Variants in LRRC7 observed in about 807,000 individuals in gnomAD.
LRRC7 encodes the protein leucine-rich repeat-containing protein 7.
LRRC7 carries 23 observed loss-of-function variants against 175.7 expected under a neutral mutation model. The ratio of observed to expected loss-of-function variants is 0.13; its 90% CI spans 0.09 to 0.19. The LOEUF is 0.19. Among genes scored for constraint, LRRC7 ranks in the 10% least tolerant of loss-of-function variants. The pLI is 1.00. For missense variants in LRRC7, 1,354 were observed against 1,904.7 expected (o/e 0.71, Z 5.38); for synonymous variants, 685 against 680.9 (o/e 1.01, Z -0.09).
At chr1:69,609,405 T>C (rs886753199) in intron 1 of LRRC7, among the ~76,000 whole-genome samples, 1 of 152,060 alleles carries the variant, frequency 6.6e-6, no homozygotes, top group African/African-American at 2.4e-5. Context: ...AATTTATTAG[T>C]TTATCTTAAT....
At chr1:69,922,550 T>G (rs771179846) in intron 7 of LRRC7, among the ~76,000 whole-genome samples, 4 of 152,148 alleles carry the variant, frequency 2.6e-5, no homozygotes, top group Non-Finnish European at 5.9e-5. Context: ...AACCTTAAAC[T>G]TGGGAGAAAA....
Position 69,850,929 on chromosome 1 carries a change from A to G in LRRC7, c.647+12646A>G, listed in dbSNP as rs534379944. Among the ~76,000 whole-genome samples, 455 of 152,224 alleles carry G rather than the reference A, an allele frequency of 3.0e-3. 2 individuals are homozygous for G. The highest frequency in any genetic ancestry group is 4.3e-3 in the Non-Finnish European group (292 of 67,994). ...TGAAACTCTTTGAAGTTATTGAGGG[A>G]GAGAACACAAATAGAGAAGAGATGA... On this transcript the variant is annotated intron_variant, in intron 7 of 26. Transcript: ENST00000651989.
At position 70,123,654 on chromosome 1, in the gene LRRC7, G is replaced by A. The variant is rs926192349; in HGVS notation, c.*1767G>A. On this transcript the variant is annotated 3_prime_UTR_variant, in exon 27 of 27. Coordinates refer to ENST00000651989, the MANE Select transcript of LRRC7 (RefSeq NM_001370785.2). ...AATGATTAACTGATTGGCCTATTTA[G>A]TATGTTTCCCAGAAGTAACTTTTAA... 5.9e-5 allele frequency among the ~76,000 whole-genome samples: 9 copies of A among 152,164 alleles called. No homozygotes were observed.
At position 70,038,705 on chromosome 1, in the gene LRRC7, AT is replaced by A. The variant is rs1293706008; in HGVS notation, c.2884del (p.Ser962GlnfsTer12). On this transcript the variant is annotated frameshift_variant, in exon 21 of 27. Transcript: ENST00000651989. LOFTEE classifies it high-confidence loss of function. ...CCGCCCGGAATCTTCTAAAGGTGTT[AT>A]TTCAATTAGCAAAAGCACAGAGAGG... ...HCRPESSKGVISISKSTERLS... is the reference protein window; with the variant it reads ...HCRPESSKGVXSISKSTERLS... The A allele has an allele frequency of 6.2e-7, 1 of 1,614,014 alleles. No homozygotes were observed. The highest frequency in any genetic ancestry group is 1.3e-5 in the African/African-American group (1 of 74,932).
intron 24 of LRRC7, among the ~76,000 whole-genome samples, chr1:70,078,805 C>CGT (rs1438394358): frequency 3.8e-5 from 4 of 106,306 alleles, no homozygotes; most frequent in African/African-American, 2.1e-4. Flanking sequence ...CGCGCGCGCG[C>CGT]GCGCGCACAC....
intron 2 of LRRC7, among the ~76,000 whole-genome samples, chr1:69,738,940 A>T (rs775031268): frequency 6.6e-6 from 1 of 152,094 alleles, no homozygotes; most frequent in Non-Finnish European, 1.5e-5. Context: ...CCAAGTGAGA[A>T]ACCCCTTAAA....
intron 7 of LRRC7, among the ~76,000 whole-genome samples, chr1:69,861,951 G>A (rs1255016716): frequency 6.6e-6 from 1 of 152,160 alleles, no homozygotes. Flanking sequence ...CAGAAAAACA[G>A]GGTAAGTTTA....
At chr1:69,752,979 C>T (rs1018909109) in intron 2 of LRRC7, among the ~76,000 whole-genome samples, 7 of 151,996 alleles carry the variant, frequency 4.6e-5, no homozygotes, top group African/African-American at 1.7e-4. Context: ...CACAGGAAAC[C>T]GGATTGTTAC....
At chr1:69,683,613 C>A (rs1213683265) in intron 2 of LRRC7, among the ~76,000 whole-genome samples, 1 of 151,858 alleles carries the variant, frequency 6.6e-6, no homozygotes, top group Non-Finnish European at 1.5e-5. Context: ...AGAAGTTAAC[C>A]TGGAAAGGAA....
chr1:69,855,474 C>T (rs1231158465), intron 7 of LRRC7, among the ~76,000 whole-genome samples: 1 of 152,160 alleles, frequency 6.6e-6, no homozygotes, highest in African/African-American at 2.4e-5. Flanking sequence ...AATTTGATTG[C>T]ACTGTGGTTT....
chr1:69,742,517 G>A (rs1301243924), intron 2 of LRRC7, among the ~76,000 whole-genome samples: 4 of 151,898 alleles, frequency 2.6e-5, no homozygotes, highest in Admixed American at 2.0e-4. Context: ...ATTTATGTGT[G>A]TGTATGTGTG....
At chr1:69,606,545 T>A (rs1647614227) in intron 1 of LRRC7, among the ~76,000 whole-genome samples, 1 of 152,148 alleles carries the variant, frequency 6.6e-6, no homozygotes, top group African/African-American at 2.4e-5. Context: ...GTAATATGCA[T>A]TTATACTAAA....
chr1:69,716,758 A>G (rs950899989), intron 2 of LRRC7, among the ~76,000 whole-genome samples: 7 of 151,886 alleles, frequency 4.6e-5, no homozygotes. Flanking sequence ...AAGAAATGAA[A>G]TAGGAGGTTC....
At chr1:69,746,255 C>T (rs957199400) in intron 2 of LRRC7, among the ~76,000 whole-genome samples, 1 of 151,798 alleles carries the variant, frequency 6.6e-6, no homozygotes, top group Non-Finnish European at 1.5e-5. Context: ...ACAGGATGTC[C>T]ATCATATCCA....
At chr1:69,613,904 A>T (rs928159391) in intron 1 of LRRC7, among the ~76,000 whole-genome samples, 1 of 152,044 alleles carries the variant, frequency 6.6e-6, no homozygotes, top group South Asian at 2.1e-4. Context: ...GTACATATCA[A>T]ATAAGAGAGA....
intron 23 of LRRC7, among the ~76,000 whole-genome samples, chr1:70,060,983 A>G (rs1043001164): frequency 3.3e-5 from 5 of 152,208 alleles, no homozygotes; most frequent in Non-Finnish European, 5.9e-5. Context: ...CCATAAGCAA[A>G]TGAGAACAAT....
chr1:69,670,255 G>A (rs1658883523), intron 1 of LRRC7, among the ~76,000 whole-genome samples: 1 of 152,120 alleles, frequency 6.6e-6, no homozygotes, highest in African/African-American at 2.4e-5. Context: ...AAAGGACATG[G>A]GTGTTGTAAT....
At chr1:69,998,147 A>T (rs1326276035) in intron 11 of LRRC7, among the ~76,000 whole-genome samples, 2 of 152,222 alleles carry the variant, frequency 1.3e-5, no homozygotes, top group Admixed American at 1.3e-4. Context: ...TTTATTAAGT[A>T]TAATTGACAT....
intron 11 of LRRC7, 135 bp downstream of exon 11, chr1:69,994,768 TA>T (rs1218078653): frequency 3.8e-6 from 2 of 529,018 alleles, no homozygotes; most frequent in Admixed American, 7.1e-5. Flanking sequence ...TTTTAAACCA[TA>T]TTTTATTTAT....
Sources: gnomAD v4.1 joint callset for allele counts (sites outside exome capture counted in the v4.1 genomes callset) on GRCh38, gnomAD v4.1.1 for gene constraint, MANE v1.5 for transcripts, NCBI Gene and HGNC (gene_info 2026-07-23, HGNC 2026-07-21) for gene names.